The following SEMA3D variants were observed in gnomAD, a reference collection of about 807,000 sequenced individuals.
The protein encoded by SEMA3D is semaphorin-3D.
A neutral mutation model predicts 100.1 loss-of-function variants in SEMA3D; 84 were observed. The ratio of observed to expected loss-of-function variants is 0.84; its 90% CI spans 0.70 to 1.01. The LOEUF (loss-of-function observed/expected upper bound fraction) is 1.01. SEMA3D is among the 50% of genes least tolerant of loss of function. SEMA3D has a pLI of 0.00. For missense variants in SEMA3D, 875 were observed against 934.1 expected, an observed-to-expected ratio of 0.94 and a Z score of 0.82; for synonymous variants, 312 against 320.7, an observed-to-expected ratio of 0.97 and a Z score of 0.29.
intron 2 of SEMA3D, chr7:85,144,577 G>A (rs1380103071): frequency 1.0e-5 from 10 of 985,038 alleles, no homozygotes; most frequent in South Asian, 9.4e-5. Flanking sequence ...CAGGATTTCC[G>A]TGAGGATCTT....
the SEMA3D span, among the ~76,000 whole-genome samples, chr7:85,249,170 A>C: frequency 1.3e-5 from 2 of 152,184 alleles, no homozygotes; most frequent in Non-Finnish European, 2.9e-5. Context: ...TTCTAAAAAC[A>C]AACAAACAAA....
At chr7:85,145,151 G>A (rs1790165495) in intron 2 of SEMA3D, among the ~76,000 whole-genome samples, 1 of 152,062 alleles carries the variant, frequency 6.6e-6, no homozygotes, top group South Asian at 2.1e-4. Context: ...TGGGAATCAT[G>A]TTGACAGTGT....
At chr7:85,192,492 C>G in the SEMA3D span, among the ~76,000 whole-genome samples, 5 of 152,028 alleles carry the variant, frequency 3.3e-5, no homozygotes, top group African/African-American at 4.8e-5. Flanking sequence ...AATCTTCACC[C>G]TTAATTTAGC....
At chr7:85,000,250 A>G (rs1340913538) in intron 18 of SEMA3D, among the ~76,000 whole-genome samples, 4 of 152,216 alleles carry the variant, frequency 2.6e-5, no homozygotes, top group Non-Finnish European at 5.9e-5. Context: ...ATCATAAATT[A>G]GCACCTGAAA....
chr7:85,035,602 A>T (rs1584539650), intron 12 of SEMA3D, among the ~76,000 whole-genome samples: 1 of 152,158 alleles, frequency 6.6e-6, no homozygotes, highest in African/African-American at 2.4e-5. Flanking sequence ...ATGGGAAGTT[A>T]CCAATCAATG....
At chr7:85,011,572 GCA>G (rs1789954181) in intron 17 of SEMA3D, among the ~76,000 whole-genome samples, 1 of 151,896 alleles carries the variant, frequency 6.6e-6, no homozygotes, top group Admixed American at 6.6e-5. Context: ...TATCGTGAAT[GCA>G]CAGATTCTTT....
intron 12 of SEMA3D, among the ~76,000 whole-genome samples, chr7:85,033,366 G>A (rs1790597780): frequency 1.3e-5 from 2 of 152,026 alleles, no homozygotes; most frequent in Admixed American, 6.6e-5. Flanking sequence ...GTGTGCTTAT[G>A]AGGACAGTCA....
chr7:85,006,964 G>A (rs1034538112), intron 17 of SEMA3D, 23 bp from the exon 18 acceptor site: 1 of 1,602,182 alleles, frequency 6.2e-7, no homozygotes, highest in Non-Finnish European at 8.5e-7. Flanking sequence ...CATGGAATAA[G>A]AGATTAACCT....
intron 2 of SEMA3D, among the ~76,000 whole-genome samples, chr7:85,131,541 C>A (rs1789725025): frequency 6.6e-6 from 1 of 151,932 alleles, no homozygotes; most frequent in Non-Finnish European, 1.5e-5. Context: ...TAGTACTTGA[C>A]TTTTAAGATT....
intron 14 of SEMA3D, 121 bp downstream of exon 14, chr7:85,020,112 A>C: frequency 1.5e-6 from 1 of 653,812 alleles, no homozygotes. Flanking sequence ...AAGAAAACTA[A>C]GAAAGCTAAT....
chr7:85,214,948 T>C, the SEMA3D span, among the ~76,000 whole-genome samples: 1 of 152,126 alleles, frequency 6.6e-6, no homozygotes. Context: ...TGCAATATTT[T>C]TCCTATAGAA....
At chr7:85,145,297 T>C (rs187710084) in intron 2 of SEMA3D, among the ~76,000 whole-genome samples, 1 of 152,108 alleles carries the variant, frequency 6.6e-6, no homozygotes, top group Non-Finnish European at 1.5e-5. Flanking sequence ...GTGACATACA[T>C]ATGATGGTCT....
chr7:85,225,185 TA>T, the SEMA3D span, among the ~76,000 whole-genome samples: 2 of 143,294 alleles, frequency 1.4e-5, no homozygotes. Flanking sequence ...AATACATATA[TA>T]ATACATATAT....
Position 85,097,225 on chromosome 7 carries a change from T to G in SEMA3D, c.312+580A>C, listed in dbSNP as rs565170387. On this transcript the variant is annotated intron_variant, in intron 4 of 18. Transcript: ENST00000284136. ...TGCCTTAAGAATTTTAAAGTACTAG[T>G]GTATGTTTCTTTGTCATGGTGAGAT... 2.1e-4 allele frequency among the ~76,000 whole-genome samples: 32 copies of G among 151,974 alleles called. 1 individual carries two copies. The East Asian group carries it at 5.8e-3, about 28-fold the overall frequency.
intron 3 of SEMA3D, among the ~76,000 whole-genome samples, chr7:85,119,773 AC>A (rs1276798068): frequency 1.3e-5 from 2 of 152,102 alleles, no homozygotes; most frequent in Non-Finnish European, 2.9e-5. Flanking sequence ...AAATTAAAAA[AC>A]AAAATTACCC....
At chr7:85,241,210 G>A in the SEMA3D span, among the ~76,000 whole-genome samples, 2 of 151,610 alleles carry the variant, frequency 1.3e-5, no homozygotes, top group South Asian at 2.1e-4. Flanking sequence ...ACATCTATAC[G>A]GCTAGTGGGA....
At chr7:85,108,181 A>G (rs1788987770) in intron 3 of SEMA3D, among the ~76,000 whole-genome samples, 1 of 152,090 alleles carries the variant, frequency 6.6e-6, no homozygotes, top group Non-Finnish European at 1.5e-5. Context: ...AAAACACTAG[A>G]AGCCCTTGAA....
chr7:85,202,892 T>G, the SEMA3D span, among the ~76,000 whole-genome samples: 1 of 152,068 alleles, frequency 6.6e-6, no homozygotes, highest in Non-Finnish European at 1.5e-5. Context: ...GAACAAAAGA[T>G]ACTATATGAT....
At chr7:85,236,380 T>G in the SEMA3D span, among the ~76,000 whole-genome samples, 5 of 151,674 alleles carry the variant, frequency 3.3e-5, no homozygotes, top group Admixed American at 2.0e-4. Flanking sequence ...TGATCTCGGC[T>G]CACTGCAACC....
Sources: allele counts gnomAD v4.1 joint callset (sites outside exome capture counted in the v4.1 genomes callset), GRCh38; gene constraint gnomAD v4.1.1; transcripts MANE v1.5; gene names NCBI Gene and HGNC (gene_info 2026-07-23, HGNC 2026-07-21).